ANKRD26: variants seen among roughly 807,000 people sequenced by gnomAD.
The protein encoded by ANKRD26 is ankyrin repeat domain 26, also known as ankyrin repeat domain-containing protein 26.
Under a neutral mutation model 208.7 loss-of-function variants are expected in ANKRD26, and 141 were observed. That is an observed-to-expected ratio of 0.68 (90% CI 0.59 to 0.78). The LOEUF (loss-of-function observed/expected upper bound fraction) is 0.78, where lower values mean the gene tolerates loss of function less well. Among genes scored for constraint, ANKRD26 ranks in the 30% least tolerant of loss-of-function variants. The pLI is 0.00. For missense variants in ANKRD26, 1,889 were observed against 1,938.7 expected, an observed-to-expected ratio of 0.97 and a Z score of 0.48; for synonymous variants, 636 against 660.4, an observed-to-expected ratio of 0.96 and a Z score of 0.57.
chr10:26,975,031 T>A (rs2052204214), exon 6 of ANKRD26, among the ~76,000 whole-genome samples: 1 of 152,222 alleles, frequency 6.6e-6, no homozygotes. Context: ...CACTAGATTC[T>A]AATTGAAATA....
rs560715960 is a variant in ANKRD26 at position 27,066,568 on chromosome 10, G to C, written c.1208-20C>G. ...TCATATCTATCAAATGTGATACACA[G>C]ATATATTCATGAGAACATTTACTAT... On this transcript the variant is annotated intron_variant, in intron 10 of 33. Transcript: ENST00000376087. 1.3e-6 allele frequency: 2 copies of C among 1,527,172 alleles called. No homozygotes were observed. The highest frequency in any genetic ancestry group is 1.8e-6 in the Non-Finnish European group (2 of 1,110,334). The allele number at this position is 1,527,172 out of a possible 1,614,324, so 94.6% of individuals were successfully genotyped here. A position where few individuals can be genotyped will look rare whatever the true frequency, so the allele number is the denominator to read the frequency against.
intron 1 of ANKRD26, among the ~76,000 whole-genome samples, 165 bp from the exon 2 acceptor site, chr10:27,093,964 C>A (rs1417069135): frequency 6.6e-6 from 1 of 152,158 alleles, no homozygotes; most frequent in Non-Finnish European, 1.5e-5. Context: ...ATTGTAGTTC[C>A]CATGATCCCT....
At chr10:26,998,712 C>A (rs1589185553) in intron 4 of ANKRD26, among the ~76,000 whole-genome samples, 1 of 152,220 alleles carries the variant, frequency 6.6e-6, no homozygotes, top group Non-Finnish European at 1.5e-5. Context: ...CAAACCAGGG[C>A]AATCATGAGA....
the ANKRD26 span, among the ~76,000 whole-genome samples, chr10:26,948,357 C>G: frequency 1.3e-5 from 2 of 152,206 alleles, no homozygotes; most frequent in Non-Finnish European, 2.9e-5. Flanking sequence ...TTTCGAGAAG[C>G]ATTCAATAGC....
Position 27,033,380 on chromosome 10 carries a change from G to A in ANKRD26, c.3655-3C>T, listed in dbSNP as rs576007051. 2 of 1,607,536 alleles carry A rather than the reference G, an allele frequency of 1.2e-6. No homozygotes were observed. The highest frequency in any genetic ancestry group is 1.7e-5 in the Admixed American group (1 of 59,956). ...TGTTGAAGTTGTCTCACAACAACCT[G>A]ATAAGACATTTTGTTACTGATTTTA... On this transcript the variant is annotated splice_polypyrimidine_tract_variant and splice_region_variant and intron_variant, in intron 24 of 33. Transcript: ENST00000376087.
At chr10:27,025,317 T>G (rs1006830562) in intron 27 of ANKRD26, among the ~76,000 whole-genome samples, 3 of 152,054 alleles carry the variant, frequency 2.0e-5, no homozygotes, top group Non-Finnish European at 2.9e-5. Context: ...ATAACAGGCA[T>G]GCACCACCAC....
At position 27,035,194 on chromosome 10, in the gene ANKRD26, C is replaced by T. The variant is rs757321676; in HGVS notation, c.3256G>A (p.Ala1086Thr). Residue 1086 changes from alanine (A) to threonine (T), a missense_variant, in exon 24 of 34, where the codon GCC becomes ACC. Around this residue, in one of 3 missense-constraint regions of ANKRD26, gnomAD observed 1,272 missense variants for 1,273.8 expected, o/e 1.00. Coordinates refer to ENST00000376087, the MANE Select transcript of ANKRD26 (RefSeq NM_014915.3). ...LEIEFHHTRD[A>T]LREKTLGLER... ...AAACCCAAAGTCTTTTCTCTGAGGGCATCTCTCGTGTGATGGAACTCAATT... is the reference window on the plus strand; with the variant it reads ...AAACCCAAAGTCTTTTCTCTGAGGGTATCTCTCGTGTGATGGAACTCAATT... 2.5e-6 allele frequency: 4 copies of T among 1,613,936 alleles called. No individual in the cohort carries two copies. The South Asian group carries it at 3.3e-5, about 13-fold the overall frequency.
At chr10:26,990,488 T>A (rs1397712713), downstream of ANKRD26, among the ~76,000 whole-genome samples, 1 of 152,204 alleles carries the variant, frequency 6.6e-6, no homozygotes, top group Non-Finnish European at 1.5e-5. Context: ...TCCACCCATA[T>A]CACTGCTACC....
chr10:27,016,021 T>C (rs1337885821), intron 30 of ANKRD26, among the ~76,000 whole-genome samples: 1 of 152,160 alleles, frequency 6.6e-6, no homozygotes, highest in East Asian at 1.9e-4. Context: ...TCTCAGTCTG[T>C]CGCCCATGCT....
the ANKRD26 span, among the ~76,000 whole-genome samples, chr10:26,957,954 A>T: frequency 6.6e-6 from 1 of 151,930 alleles, no homozygotes; most frequent in Non-Finnish European, 1.5e-5. Context: ...CTTGAACACC[A>T]ATTTCTTTTT....
At chr10:26,983,336 T>C (rs1471211796) in intron 3 of ANKRD26, among the ~76,000 whole-genome samples, 1 of 152,202 alleles carries the variant, frequency 6.6e-6, no homozygotes, top group East Asian at 1.9e-4. Flanking sequence ...TACTCATCCT[T>C]GTGCCCAAGC....
At chr10:27,006,416 T>G (rs1480187225) in intron 33 of ANKRD26, among the ~76,000 whole-genome samples, 2 of 152,198 alleles carry the variant, frequency 1.3e-5, no homozygotes, top group Non-Finnish European at 2.9e-5. Context: ...AATTTGGAAC[T>G]TCTCCTGAGG....
intron 4 of ANKRD26, among the ~76,000 whole-genome samples, chr10:27,089,195 A>G (rs982144023): frequency 6.6e-6 from 1 of 152,204 alleles, no homozygotes; most frequent in Non-Finnish European, 1.5e-5. Flanking sequence ...AATCACTGGT[A>G]ACAAAAGAAT....
chr10:26,995,938 C>A (rs534343494), intron 4 of ANKRD26, among the ~76,000 whole-genome samples: 1 of 152,254 alleles, frequency 6.6e-6, no homozygotes, highest in Admixed American at 6.5e-5. Flanking sequence ...TTTCTGTGCA[C>A]CCTTTAGGCA....
At chr10:27,012,539 G>C (rs891459230) in intron 32 of ANKRD26, among the ~76,000 whole-genome samples, 8 of 152,146 alleles carry the variant, frequency 5.3e-5, no homozygotes, top group African/African-American at 1.9e-4. Context: ...TTGAGGCTGG[G>C]CATGGTGGCT....
rs772061456 is a variant in ANKRD26, at chr10:27,006,917, C to T, written c.4999G>A (p.Ala1667Thr). ...TAATTCATGAAGTTTGGCAACATAC[C>T]TTCTTTGAGTTCTCTAGTTATATTT... ...EKNITRELKE[A>T]AAELESGSIA... The change falls in exon 33 of 34, where the codon GCT becomes ACT. Residue 1667 changes from alanine (A) to threonine (T), a missense_variant and splice_region_variant. Ala to Thr is a moderately conservative substitution (Grantham distance 58). Coordinates refer to ENST00000376087, the MANE Select transcript of ANKRD26 (RefSeq NM_014915.3). 82 of 1,607,586 alleles carry T rather than the reference C, an allele frequency of 5.1e-5. No individual in the cohort carries two copies. The highest frequency in any genetic ancestry group is 6.8e-5 in the Non-Finnish European group (80 of 1,175,476).
intron 10 of ANKRD26, among the ~76,000 whole-genome samples, chr10:27,066,901 A>T (rs1340925964): frequency 6.6e-6 from 1 of 151,724 alleles, no homozygotes; most frequent in Non-Finnish European, 1.5e-5. Context: ...TCTGTCTCCC[A>T]GGTTCAAGCA....
chr10:27,084,854 A>T (rs1282210115), intron 5 of ANKRD26, among the ~76,000 whole-genome samples: 1 of 150,686 alleles, frequency 6.6e-6, no homozygotes, highest in African/African-American at 2.4e-5. Context: ...CCTGGGCAAC[A>T]AGAGTGAAAC....
chr10:26,972,653 T>G (rs925624391), downstream of ANKRD26, among the ~76,000 whole-genome samples: 7 of 149,236 alleles, frequency 4.7e-5, no homozygotes, highest in East Asian at 4.0e-4. Context: ...TGCAGTGGTG[T>G]GATCTTGGCT....
Sources: allele counts gnomAD v4.1 joint callset (sites outside exome capture counted in the v4.1 genomes callset), GRCh38; gene constraint gnomAD v4.1.1; regional missense constraint gnomAD v4.1.1; transcripts MANE v1.5; gene names NCBI Gene and HGNC (gene_info 2026-07-23, HGNC 2026-07-21).